THADA: variants seen among roughly 807,000 people sequenced by gnomAD.
The protein encoded by THADA is THADA armadillo repeat containing.
A neutral mutation model predicts 219.8 loss-of-function variants in THADA; 213 were observed. That is an observed-to-expected ratio of 0.97 (90% CI 0.87 to 1.09). The LOEUF (loss-of-function observed/expected upper bound fraction) is 1.09, where lower values mean the gene tolerates loss of function less well. Among genes scored for constraint, THADA ranks in the 50% least tolerant of loss-of-function variants. The pLI is 0.00. For synonymous variants in THADA, 1,018 were observed against 828.9 expected (o/e 1.23, Z -3.92); for missense variants, 2,956 against 2,311.3 (o/e 1.28, Z -5.72).
At chr2:43,580,024 CTTTTTT>C (rs34171011) in intron 8 of THADA, among the ~76,000 whole-genome samples, 2 of 122,834 alleles carry the variant, frequency 1.6e-5, no homozygotes, top group Non-Finnish European at 1.7e-5. Flanking sequence ...AAAGCTACTT[CTTTTTT>C]TTTTTTTTTT....
intron 13 of THADA, among the ~76,000 whole-genome samples, chr2:43,571,399 C>T (rs1321696928): frequency 6.6e-6 from 1 of 151,996 alleles, no homozygotes; most frequent in Non-Finnish European, 1.5e-5. Context: ...TACAGGCACA[C>T]ACTGCCACAA....
intron 36 of THADA, among the ~76,000 whole-genome samples, chr2:43,265,069 C>T (rs1198894230): frequency 6.6e-6 from 1 of 152,170 alleles, no homozygotes; most frequent in African/African-American, 2.4e-5. Context: ...CTTGGGAAGC[C>T]ACCAGAACAA....
At chr2:43,587,045 C>G (rs1559031115) in intron 4 of THADA, 43 bp from the exon 5 acceptor site, 1 of 1,570,110 alleles carries the variant, frequency 6.4e-7, no homozygotes, top group Non-Finnish European at 8.7e-7. Flanking sequence ...AATCTAATAG[C>G]CCCAGAATAT....
At chr2:43,528,128 T>C in intron 21 of THADA, 140 bp from the exon 22 acceptor site, 1 of 204,754 alleles carries the variant, frequency 4.9e-6, no homozygotes, top group Non-Finnish European at 9.3e-6. Flanking sequence ...GTTTTAAGCT[T>C]TTTTTTTTTT....
chr2:43,399,794 T>C (rs374697654), intron 28 of THADA, among the ~76,000 whole-genome samples: 1 of 152,248 alleles, frequency 6.6e-6, no homozygotes, highest in South Asian at 2.1e-4. Flanking sequence ...TAATCTGTAA[T>C]TGGCAAATGC....
chr2:43,331,946 CAT>C (rs1491026716), intron 30 of THADA, among the ~76,000 whole-genome samples: 2 of 152,062 alleles, frequency 1.3e-5, no homozygotes, highest in Admixed American at 1.3e-4. Flanking sequence ...CACACACACA[CAT>C]TAGGTTCCCA....
rs569733753 is a variant in THADA at position 43,382,627 on chromosome 2, C to T, written c.4227+15344G>A. 1.2e-3 allele frequency among the ~76,000 whole-genome samples: 176 copies of T among 152,132 alleles called. 1 individual carries two copies. Among genetic ancestry groups the T allele is most frequent in the African/African-American group, 3.9e-3 (164 of 41,536 alleles). On this transcript the variant is annotated intron_variant, in intron 29 of 37. Transcript: ENST00000405975. ...AGTTATAAAAGAGGAAAATACTTAA[C>T]GATAAAAGGAACAATTCTCCTGAAA...
chr2:43,240,757 G>C (rs927703654), intron 36 of THADA, among the ~76,000 whole-genome samples: 6 of 152,234 alleles, frequency 3.9e-5, no homozygotes, highest in Admixed American at 2.0e-4. Flanking sequence ...CATCTCCCCA[G>C]CTGCAAAGAA....
chr2:43,232,426 C>T (rs1438823380), intron 37 of THADA, among the ~76,000 whole-genome samples: 1 of 152,130 alleles, frequency 6.6e-6, no homozygotes, highest in Non-Finnish European at 1.5e-5. Context: ...GATCCGCCTG[C>T]CTTGGCCTCC....
chr2:43,370,301 T>C (rs1670647323), intron 29 of THADA: 1 of 152,244 alleles, frequency 6.6e-6, no homozygotes, highest in South Asian at 2.1e-4. Context: ...CTTCCTTTCA[T>C]CCCTCATGGA....
At chr2:43,438,348 C>T (rs112329274) in intron 26 of THADA, among the ~76,000 whole-genome samples, 5,194 of 149,188 alleles carry the variant, frequency 0.035, 138 homozygotes, top group Middle Eastern at 0.073. Context: ...CTATTTTATA[C>T]CCTCAAATTG....
chr2:43,483,492 G>C (rs572275049), intron 26 of THADA, among the ~76,000 whole-genome samples: 5 of 152,198 alleles, frequency 3.3e-5, no homozygotes, highest in Middle Eastern at 3.4e-3. Flanking sequence ...GGTCCATACC[G>C]ATCTTCAGAT....
chr2:43,510,762 G>C (rs1334963874), intron 22 of THADA, among the ~76,000 whole-genome samples: 1 of 151,524 alleles, frequency 6.6e-6, no homozygotes, highest in Non-Finnish European at 1.5e-5. Context: ...CCTGAGGTCA[G>C]GAGTTCAAGA....
chr2:43,258,393 G>A (rs1416229803), intron 36 of THADA, among the ~76,000 whole-genome samples: 1 of 151,880 alleles, frequency 6.6e-6, no homozygotes, highest in Non-Finnish European at 1.5e-5. Flanking sequence ...GTGGTGGTGG[G>A]TCCCTGTAAT....
intron 26 of THADA, among the ~76,000 whole-genome samples, chr2:43,475,422 T>TAAAA (rs59689521): frequency 3.0e-5 from 3 of 99,560 alleles, no homozygotes; most frequent in East Asian, 5.7e-4. Context: ...GGCCCTGTCT[T>TAAAA]AAAAAAAAAA....
intron 22 of THADA, among the ~76,000 whole-genome samples, chr2:43,511,010 T>A (rs994307909): frequency 2.0e-5 from 3 of 150,434 alleles, no homozygotes; most frequent in Admixed American, 6.6e-5. Context: ...AAAGCAAAAA[T>A]TTTTTTTTGG....
At position 43,541,897 on chromosome 2, in the gene THADA, C is replaced by T. The variant is rs145451488; in HGVS notation, c.3107-581G>A. Among the ~76,000 whole-genome samples the T allele has an allele frequency of 3.3e-5, 5 of 152,178 alleles. No homozygotes were observed. In the East Asian group the frequency reaches 9.6e-4, roughly 29 times the overall value. On this transcript the variant is annotated intron_variant, in intron 20 of 37. Coordinates refer to ENST00000405975, the MANE Select transcript of THADA (RefSeq NM_022065.5). Reference sequence around the variant, plus strand: ...TTTCCAAAGATTAAACAAACTCTGCCTCTCTGTCATAAAGTATGATATGGA... The same window carrying T: ...TTTCCAAAGATTAAACAAACTCTGCTTCTCTGTCATAAAGTATGATATGGA...
At chr2:43,351,871 G>A (rs1668305894) in intron 29 of THADA, among the ~76,000 whole-genome samples, 1 of 152,170 alleles carries the variant, frequency 6.6e-6, no homozygotes, top group Non-Finnish European at 1.5e-5. Flanking sequence ...ATTCTATAAA[G>A]TAATTATGAG....
At chr2:43,250,741 T>A (rs1669730425) in intron 36 of THADA, among the ~76,000 whole-genome samples, 1 of 151,676 alleles carries the variant, frequency 6.6e-6, no homozygotes, top group Admixed American at 6.6e-5. Flanking sequence ...TAAAATAAAA[T>A]AAAATAAAAG....
Sources: allele counts gnomAD v4.1 joint callset (sites outside exome capture counted in the v4.1 genomes callset), GRCh38; gene constraint gnomAD v4.1.1; transcripts MANE v1.5; gene names NCBI Gene and HGNC (gene_info 2026-07-23, HGNC 2026-07-21).